ITGB1: variants seen among roughly 807,000 people sequenced by gnomAD.
The protein encoded by ITGB1 is integrin subunit beta 1.
Under a neutral mutation model 86.5 loss-of-function variants are expected in ITGB1, and 24 were observed. The observed-to-expected ratio is 0.28, with a 90% CI of 0.20 to 0.39. The LOEUF (loss-of-function observed/expected upper bound fraction) is 0.39. Among genes scored for constraint, ITGB1 ranks in the 10% least tolerant of loss-of-function variants. The probability of loss-of-function intolerance (pLI) is 1.00; values close to 1 mark genes in which losing one functional copy is unlikely to be tolerated. For missense variants in ITGB1, 556 were observed against 946.9 expected (o/e 0.59, Z 5.42); for synonymous variants, 323 against 316.8 (o/e 1.02, Z -0.21).
intron 2 of ITGB1, among the ~76,000 whole-genome samples, chr10:32,934,901 G>A (rs1230887205): frequency 1.3e-5 from 2 of 152,074 alleles, no homozygotes; most frequent in Non-Finnish European, 2.9e-5. Flanking sequence ...TTTACTACTT[G>A]TAGTAAGTCC....
chr10:32,957,998 G>GCCGCCCCCGCCCCCGCCC, intron 1 of ITGB1, 147 bp downstream of exon 1: 1 of 148,008 alleles, frequency 6.8e-6, no homozygotes, highest in Non-Finnish European at 1.5e-5. Flanking sequence ...ACCGCTGGCG[G>GCCGCCCCCGCCCCCGCCC]CCGCCCCCGC....
intron 11 of ITGB1, among the ~76,000 whole-genome samples, chr10:32,912,985 C>T (rs1327365639): frequency 6.6e-6 from 1 of 152,182 alleles, no homozygotes; most frequent in African/African-American, 2.4e-5. Context: ...GATCAGGCAG[C>T]AACATTTGCC....
chr10:32,925,547 G>A (rs2094961933), intron 6 of ITGB1, among the ~76,000 whole-genome samples: 1 of 152,154 alleles, frequency 6.6e-6, no homozygotes, highest in Admixed American at 6.5e-5. Context: ...AAGCCAGAAA[G>A]TTAGGACACA....
At chr10:32,908,611 C>T (rs925474739) in intron 14 of ITGB1, 77 bp from the exon 15 acceptor site, 1 of 1,259,204 alleles carries the variant, frequency 7.9e-7, no homozygotes. Context: ...GGAATAAACA[C>T]CCAAGAGAGT....
At chr10:32,924,367 CTT>C (rs1253161469) in intron 6 of ITGB1, among the ~76,000 whole-genome samples, 1 of 152,194 alleles carries the variant, frequency 6.6e-6, no homozygotes, top group Non-Finnish European at 1.5e-5. Context: ...GTAAAATCTT[CTT>C]GTCACTATGG....
At chr10:32,935,970 A>G (rs2095000394) in intron 1 of ITGB1, 4 of 156,504 alleles carry the variant, frequency 2.6e-5, no homozygotes, top group Admixed American at 1.9e-4. Flanking sequence ...GCATATCCAG[A>G]TGCCTCAGTT....
chr10:32,946,756 G>GT (rs1214861538), intron 1 of ITGB1, among the ~76,000 whole-genome samples: 1 of 106,856 alleles, frequency 9.4e-6, no homozygotes, highest in South Asian at 3.2e-4. Flanking sequence ...TTCTGGGGGG[G>GT]GGGGGGGGAT....
chr10:32,956,733 A>G (rs1226384926), intron 1 of ITGB1, among the ~76,000 whole-genome samples: 1 of 152,150 alleles, frequency 6.6e-6, no homozygotes, highest in African/African-American at 2.4e-5. Context: ...TAGTAATTCT[A>G]CCCACCTAAG....
chr10:32,928,305 G>A (rs2094971949), intron 4 of ITGB1, 41 bp from the exon 5 acceptor site: 2 of 770,448 alleles, frequency 2.6e-6, no homozygotes, highest in Admixed American at 2.2e-5. Flanking sequence ...TTGCCTGTTG[G>A]CAATCAAACG....
chr10:32,946,214 G>A (rs2137258883), intron 1 of ITGB1, among the ~76,000 whole-genome samples: 1 of 152,266 alleles, frequency 6.6e-6, no homozygotes, highest in South Asian at 2.1e-4. Flanking sequence ...AAAACCTATG[G>A]AATTATGTAA....
intron 15 of ITGB1, chr10:32,907,222 C>A (rs2094899183): frequency 4.6e-6 from 2 of 437,848 alleles, no homozygotes; most frequent in Non-Finnish European, 8.1e-6. Context: ...CTATAAATGT[C>A]TTTTTTTTTA....
chr10:32,915,900 A>C (rs1163001815), intron 11 of ITGB1, among the ~76,000 whole-genome samples: 2 of 152,340 alleles, frequency 1.3e-5, no homozygotes, highest in East Asian at 3.9e-4. Context: ...ATGAACATCG[A>C]TGCAAAAATC....
intron 1 of ITGB1, among the ~76,000 whole-genome samples, chr10:32,949,250 T>A (rs2095038087): frequency 6.6e-6 from 1 of 152,146 alleles, no homozygotes; most frequent in Admixed American, 6.5e-5. Flanking sequence ...CCAGAGAGAC[T>A]AAACAACTTG....
chr10:32,927,905 G>A (rs1248820890), intron 5 of ITGB1, among the ~76,000 whole-genome samples, 189 bp downstream of exon 5: 1 of 152,196 alleles, frequency 6.6e-6, no homozygotes, highest in Non-Finnish European at 1.5e-5. Flanking sequence ...CAGTGACAGA[G>A]GAACAAGGTG....
chr10:32,925,206 A>G (rs1201137364), intron 6 of ITGB1, among the ~76,000 whole-genome samples: 1 of 152,226 alleles, frequency 6.6e-6, no homozygotes, highest in East Asian at 1.9e-4. Flanking sequence ...CCACATCATT[A>G]AAGTGTCATC....
intron 1 of ITGB1, among the ~76,000 whole-genome samples, chr10:32,947,803 A>C (rs1374718044): frequency 1.3e-5 from 2 of 152,220 alleles, no homozygotes; most frequent in African/African-American, 4.8e-5. Context: ...AATCTGTCTC[A>C]GTTTCCTCAT....
chr10:32,910,680 A>C (rs1358993093), intron 13 of ITGB1, among the ~76,000 whole-genome samples: 1 of 152,102 alleles, frequency 6.6e-6, no homozygotes, highest in Non-Finnish European at 1.5e-5. Context: ...TCAAATTAAA[A>C]CCCTATTAAG....
intron 9 of ITGB1, 72 bp from the exon 10 acceptor site, chr10:32,920,457 A>C: frequency 1.5e-6 from 2 of 1,347,996 alleles, no homozygotes; most frequent in East Asian, 2.3e-5. Flanking sequence ...ACCAATGGAT[A>C]AACTGCTCAG....
At chr10:32,926,152 T>C in intron 5 of ITGB1, 43 bp from the exon 6 acceptor site, 1 of 1,313,710 alleles carries the variant, frequency 7.6e-7, no homozygotes, top group South Asian at 1.2e-5. Context: ...AATGGATGGA[T>C]AGATGGAAAG....
Sources: gnomAD v4.1 joint callset for allele counts (sites outside exome capture counted in the v4.1 genomes callset) on GRCh38, gnomAD v4.1.1 for gene constraint, MANE v1.5 for transcripts, NCBI Gene and HGNC (gene_info 2026-07-23, HGNC 2026-07-21) for gene names.